The following SAMD4A variants were observed in gnomAD, a reference collection of about 807,000 sequenced individuals.
SAMD4A encodes the protein sterile alpha motif domain containing 4A.
A neutral mutation model predicts 81.3 loss-of-function variants in SAMD4A; 33 were observed. The observed-to-expected ratio is 0.41, with a 90% confidence interval of 0.31 to 0.54. The LOEUF (loss-of-function observed/expected upper bound fraction) is 0.54. Among genes scored for constraint, SAMD4A ranks in the 20% least tolerant of loss-of-function variants. SAMD4A has a pLI of 0.37. For missense variants in SAMD4A, 854 were observed against 951.1 expected, an observed-to-expected ratio of 0.90 and a Z score of 1.34; for synonymous variants, 389 against 382.1, an observed-to-expected ratio of 1.02 and a Z score of -0.21.
intron 2 of SAMD4A, among the ~76,000 whole-genome samples, chr14:54,611,032 T>A (rs943588363): frequency 3.3e-5 from 5 of 152,164 alleles, no homozygotes; most frequent in Non-Finnish European, 7.4e-5. Context: ...ATTTGTGCAT[T>A]AAAAATCACA....
At chr14:54,658,878 C>G (rs574918741) in intron 2 of SAMD4A, among the ~76,000 whole-genome samples, 1 of 152,194 alleles carries the variant, frequency 6.6e-6, no homozygotes, top group Non-Finnish European at 1.5e-5. Context: ...CGAGCATGCC[C>G]GTGGCTGGGC....
At chr14:54,668,897 G>A (rs896945686) in intron 2 of SAMD4A, 2 of 152,190 alleles carry the variant, frequency 1.3e-5, no homozygotes, top group African/African-American at 4.8e-5. Context: ...CTGAGTCCAT[G>A]TTCTTCTCTC....
At chr14:54,745,078 G>A (rs781303249) in intron 4 of SAMD4A, among the ~76,000 whole-genome samples, 19 of 152,000 alleles carry the variant, frequency 1.3e-4, no homozygotes, top group Admixed American at 2.6e-4. Flanking sequence ...CCCCTGCCAC[G>A]CATCCCAAGC....
intron 11 of SAMD4A, among the ~76,000 whole-genome samples, chr14:54,777,020 C>T (rs979325409): frequency 9.2e-5 from 14 of 152,230 alleles, no homozygotes; most frequent in Admixed American, 6.5e-4. Context: ...AGCAACTTAG[C>T]ACACTTCAGA....
At chr14:54,649,945 C>T (rs1566566069) in intron 2 of SAMD4A, among the ~76,000 whole-genome samples, 1 of 152,084 alleles carries the variant, frequency 6.6e-6, no homozygotes. Context: ...TCTACTTAGA[C>T]TTTTAGGCAT....
intron 7 of SAMD4A, among the ~76,000 whole-genome samples, chr14:54,764,023 C>T (rs985184345): frequency 2.3e-4 from 35 of 152,204 alleles, no homozygotes; most frequent in Non-Finnish European, 8.8e-5. Context: ...CAAACACAAA[C>T]GCCGCTGTCT....
At chr14:54,669,445 C>CTTT (rs11406251) in intron 2 of SAMD4A, among the ~76,000 whole-genome samples, 2,520 of 103,260 alleles carry the variant, frequency 0.024, 176 homozygotes, top group African/African-American at 0.089. Context: ...ACGCTTCTTT[C>CTTT]TTTTTTTTTT....
intron 2 of SAMD4A, among the ~76,000 whole-genome samples, chr14:54,587,244 A>G (rs951664022): frequency 6.6e-6 from 1 of 152,178 alleles, no homozygotes; most frequent in Non-Finnish European, 1.5e-5. Context: ...CTGTTGGTGT[A>G]TAGCAGAACT....
At chr14:54,647,617 A>T (rs968624658) in intron 2 of SAMD4A, among the ~76,000 whole-genome samples, 1 of 152,234 alleles carries the variant, frequency 6.6e-6, no homozygotes, top group Admixed American at 6.5e-5. Flanking sequence ...TGCGTAGAAG[A>T]GAAGTTTTAT....
intron 10 of SAMD4A, among the ~76,000 whole-genome samples, chr14:54,776,204 G>T (rs1035130964): frequency 6.6e-6 from 1 of 151,950 alleles, no homozygotes; most frequent in Admixed American, 6.6e-5. Flanking sequence ...TTACAGCAAG[G>T]CCACCACTGA....
At chr14:54,730,187 T>G (rs2037526597) in intron 3 of SAMD4A, among the ~76,000 whole-genome samples, 1 of 152,216 alleles carries the variant, frequency 6.6e-6, no homozygotes, top group Non-Finnish European at 1.5e-5. Context: ...CTGACACCAG[T>G]GACAAGGACT....
intron 2 of SAMD4A, among the ~76,000 whole-genome samples, chr14:54,632,577 A>C (rs1236972103): frequency 2.6e-5 from 4 of 151,764 alleles, no homozygotes; most frequent in African/African-American, 9.7e-5. Context: ...TCTACACTTC[A>C]CTTTTTTTTT....
chr14:54,580,635 C>T (rs1048552306), intron 2 of SAMD4A, among the ~76,000 whole-genome samples: 1 of 152,104 alleles, frequency 6.6e-6, no homozygotes, highest in Admixed American at 6.5e-5. Context: ...GTGGTGTGGA[C>T]CAACCAGGAG....
At chr14:54,756,489 T>C (rs936947389) in intron 6 of SAMD4A, among the ~76,000 whole-genome samples, 2 of 152,208 alleles carry the variant, frequency 1.3e-5, no homozygotes, top group African/African-American at 4.8e-5. Context: ...TCATACCGTG[T>C]GGGTCCCAGA....
chr14:54,696,414 C>G (rs1231672870), intron 2 of SAMD4A, among the ~76,000 whole-genome samples: 1 of 152,194 alleles, frequency 6.6e-6, no homozygotes, highest in South Asian at 2.1e-4. Flanking sequence ...TAAAACCCAC[C>G]AATATTCCTG....
At chr14:54,732,196 C>T (rs1215676404) in intron 3 of SAMD4A, among the ~76,000 whole-genome samples, 2 of 152,162 alleles carry the variant, frequency 1.3e-5, no homozygotes, top group Non-Finnish European at 2.9e-5. Context: ...ATTAAAACCA[C>T]AATTGTATTT....
At chr14:54,624,699 A>G (rs2034703921) in intron 2 of SAMD4A, among the ~76,000 whole-genome samples, 1 of 152,228 alleles carries the variant, frequency 6.6e-6, no homozygotes, top group Admixed American at 6.5e-5. Context: ...TGGCTATACA[A>G]TTATCCTCAA....
chr14:54,603,149 G>A (rs533511445), intron 2 of SAMD4A, among the ~76,000 whole-genome samples: 1 of 152,336 alleles, frequency 6.6e-6, no homozygotes, highest in Admixed American at 6.5e-5. Context: ...GGGGCCACAA[G>A]ATGCACATCT....
chr14:54,616,383 C>T (rs1166876125), intron 2 of SAMD4A, among the ~76,000 whole-genome samples: 1 of 152,194 alleles, frequency 6.6e-6, no homozygotes, highest in African/African-American at 2.4e-5. Context: ...GAAAAGATCA[C>T]ATACTAATAC....
Sources: gnomAD v4.1 joint callset for allele counts (sites outside exome capture counted in the v4.1 genomes callset) on GRCh38, gnomAD v4.1.1 for gene constraint, MANE v1.5 for transcripts, NCBI Gene and HGNC (gene_info 2026-07-23, HGNC 2026-07-21) for gene names.